The following SLC11A2 variants were observed in gnomAD, a reference collection of about 807,000 sequenced individuals.
SLC11A2 encodes solute carrier family 11 member 2.
In SLC11A2, 38 loss-of-function variants were observed where a neutral mutation model predicts 68.0. The ratio of observed to expected loss-of-function variants is 0.56; its 90% CI spans 0.43 to 0.73. SLC11A2 has a LOEUF of 0.73. Among genes scored for constraint, SLC11A2 ranks in the 30% least tolerant of loss-of-function variants. The probability of loss-of-function intolerance (pLI) is 0.00; values close to 1 mark genes in which losing one functional copy is unlikely to be tolerated. For missense variants in SLC11A2, 517 were observed against 690.5 expected (o/e 0.75, Z 2.82); for synonymous variants, 242 against 250.6 (o/e 0.97, Z 0.32).
chr12:50,962,109 G>A, the SLC11A2 span, among the ~76,000 whole-genome samples: 1 of 152,182 alleles, frequency 6.6e-6, no homozygotes, highest in East Asian at 1.9e-4. Context: ...AGGCTGGCTG[G>A]GCGCAGTGGC....
At chr12:50,952,472 G>A in the SLC11A2 span, among the ~76,000 whole-genome samples, 2 of 152,084 alleles carry the variant, frequency 1.3e-5, no homozygotes, top group South Asian at 2.1e-4. Flanking sequence ...GGGAGGCGGT[G>A]AGCAAGGTGT....
chr12:50,959,967 C>A, the SLC11A2 span, among the ~76,000 whole-genome samples: 1 of 152,064 alleles, frequency 6.6e-6, no homozygotes, highest in Non-Finnish European at 1.5e-5. Context: ...TGTTATCTGG[C>A]TATTTTTGTT....
At chr12:50,974,489 G>T (rs1370306227), downstream of SLC11A2, among the ~76,000 whole-genome samples, 1 of 152,176 alleles carries the variant, frequency 6.6e-6, no homozygotes, top group Non-Finnish European at 1.5e-5. Flanking sequence ...CCTGAAGGAA[G>T]CATTAAACAT....
At chr12:50,957,984 G>GTGTA in the SLC11A2 span, among the ~76,000 whole-genome samples, 1 of 143,408 alleles carries the variant, frequency 7.0e-6, no homozygotes, top group Non-Finnish European at 1.5e-5. Flanking sequence ...GTGTGTGTGT[G>GTGTA]TAGTAGAGGC....
chr12:50,984,385 A>C (rs533033634), downstream of SLC11A2, among the ~76,000 whole-genome samples: 49 of 152,316 alleles, frequency 3.2e-4, no homozygotes, highest in African/African-American at 1.1e-3. Flanking sequence ...ATTTAGGCTT[A>C]AGTAAATAAC....
chr12:50,977,180 A>G (rs1209556001), downstream of SLC11A2, among the ~76,000 whole-genome samples: 1 of 152,246 alleles, frequency 6.6e-6, no homozygotes, highest in East Asian at 1.9e-4. Context: ...AAGAGCCTGC[A>G]TTGCCAAGTC....
At chr12:50,978,122 C>T (rs1338772238), downstream of SLC11A2, among the ~76,000 whole-genome samples, 10 of 152,186 alleles carry the variant, frequency 6.6e-5, no homozygotes, top group East Asian at 1.9e-3. Flanking sequence ...TACCATTTGA[C>T]CCAGCCATCC....
chr12:50,993,211 AAG>A lies in SLC11A2; in HGVS notation c.1078-284_1078-283del, dbSNP rs1229796936. The A allele has an allele frequency of 1.4e-3, 475 of 343,920 alleles. 2 individuals are homozygous for A. Among genetic ancestry groups the A allele is most frequent in the African/African-American group, 1.0e-2 (434 of 43,524 alleles). 21.3% of individuals were successfully genotyped at this position (343,920 alleles called of 1,614,324 possible). ...AATATTAAAAAAAAAAAAAAAAAAAAAGAGGTCTACACCACTTTCCCCAAATT... is the reference window on the plus strand; with the variant it reads ...AATATTAAAAAAAAAAAAAAAAAAAAAGGTCTACACCACTTTCCCCAAATT... On this transcript the variant is annotated intron_variant, in intron 11 of 15. Transcript: ENST00000262052.
chr12:50,972,214 T>A, the SLC11A2 span, among the ~76,000 whole-genome samples: 1 of 152,230 alleles, frequency 6.6e-6, no homozygotes, highest in Non-Finnish European at 1.5e-5. Flanking sequence ...TCTCAATATG[T>A]ACTCAGCACT....
At chr12:51,021,106 G>C (rs766025159) in intron 1 of SLC11A2, among the ~76,000 whole-genome samples, 3 of 152,110 alleles carry the variant, frequency 2.0e-5, no homozygotes, top group Non-Finnish European at 4.4e-5. Flanking sequence ...AAAAGAGGGG[G>C]ATTATAATTG....
chr12:50,991,548 C>A (rs1454352473), intron 14 of SLC11A2, 51 bp downstream of exon 14: 1 of 1,437,564 alleles, frequency 7.0e-7, no homozygotes, highest in East Asian at 2.3e-5. Flanking sequence ...CATGAAGATA[C>A]CCTTTCCCCA....
chr12:50,999,834 C>T (rs375837831), intron 6 of SLC11A2, among the ~76,000 whole-genome samples: 2 of 151,964 alleles, frequency 1.3e-5, no homozygotes, highest in East Asian at 1.9e-4. Flanking sequence ...ATGGTGAAAT[C>T]CCGTCTCTAC....
chr12:51,016,268 C>T (rs1423551155), intron 1 of SLC11A2, among the ~76,000 whole-genome samples: 2 of 151,728 alleles, frequency 1.3e-5, no homozygotes, highest in East Asian at 2.0e-4. Flanking sequence ...AGGTGGAGGC[C>T]GGACACGGTG....
intron 12 of SLC11A2, 63 bp downstream of exon 12, chr12:50,992,746 AG>A (rs67409672): frequency 0.21 from 159,605 of 775,074 alleles, 3,080 homozygotes; most frequent in Non-Finnish European, 0.22. Flanking sequence ...AAAAAAAAAA[AG>A]AAGAAGAAGA....
chr12:50,996,984 C>A lies in SLC11A2; in HGVS notation c.676-12G>T. On this transcript the variant is annotated splice_polypyrimidine_tract_variant and intron_variant, in intron 8 of 15. Transcript: ENST00000262052. Reference sequence around the variant, plus strand: ...TTCACTGTAACATACTACATACCAACATAACAATGATTAGCCTTTACAGGA... The same window carrying A: ...TTCACTGTAACATACTACATACCAAAATAACAATGATTAGCCTTTACAGGA... The A allele has an allele frequency of 6.2e-7, 1 of 1,612,912 alleles. No homozygotes were observed. Among genetic ancestry groups the A allele is most frequent in the South Asian group, 1.1e-5 (1 of 91,060 alleles).
the SLC11A2 span, among the ~76,000 whole-genome samples, chr12:50,967,113 CAAA>C: frequency 3.0e-5 from 4 of 131,922 alleles, no homozygotes; most frequent in African/African-American, 8.0e-5. Flanking sequence ...GACTCAGTCT[CAAA>C]AAAAAAAAAA....
intron 1 of SLC11A2, among the ~76,000 whole-genome samples, chr12:51,011,552 G>GTTTTTTTTTTTTTTTT (rs772957287): frequency 8.0e-6 from 1 of 125,242 alleles, no homozygotes; most frequent in Non-Finnish European, 1.6e-5. Context: ...TTTATGAGTT[G>GTTTTTTTTTTTTTTTT]TTTTTTTTTG....
the SLC11A2 span, among the ~76,000 whole-genome samples, chr12:50,956,727 C>T: frequency 6.6e-6 from 1 of 152,114 alleles, no homozygotes; most frequent in Non-Finnish European, 1.5e-5. Flanking sequence ...ATAGCAATGG[C>T]AGTTTTTCTT....
chr12:51,026,089 C>A, intron 1 of SLC11A2: 1 of 1,098,260 alleles, frequency 9.1e-7, no homozygotes. Flanking sequence ...CCCTCCCTGC[C>A]CCCATCTTTG....
Sources: allele counts gnomAD v4.1 joint callset (sites outside exome capture counted in the v4.1 genomes callset), GRCh38; gene constraint gnomAD v4.1.1; transcripts MANE v1.5; gene names NCBI Gene and HGNC (gene_info 2026-07-23, HGNC 2026-07-21).